IRAK3: variants seen among roughly 807,000 people sequenced by gnomAD.
IRAK3 encodes the protein interleukin 1 receptor associated kinase 3, also known as interleukin-1 receptor-associated kinase 3.
A neutral mutation model predicts 56.6 loss-of-function variants in IRAK3; 57 were observed. The ratio of observed to expected loss-of-function variants is 1.01; its 90% CI spans 0.81 to 1.26. IRAK3 has a LOEUF of 1.26. Ranked by LOEUF, IRAK3 falls within the 50% of genes most tolerant of loss-of-function variation. IRAK3 has a pLI of 0.00. For synonymous variants in IRAK3, 258 were observed against 255.7 expected, an observed-to-expected ratio of 1.01 and a Z score of -0.09; for missense variants, 703 against 719.0, an observed-to-expected ratio of 0.98 and a Z score of 0.25.
intron 6 of IRAK3, among the ~76,000 whole-genome samples, chr12:66,222,094 A>G (rs1408621489): frequency 6.6e-6 from 1 of 152,150 alleles, no homozygotes; most frequent in Non-Finnish European, 1.5e-5. Flanking sequence ...TTTGTTGAGG[A>G]TTTTTGTATC....
rs1212348905 is a variant in IRAK3 at position 66,247,806 on chromosome 12, A to G, written c.1426A>G (p.Ser476Gly). The G allele has an allele frequency of 6.2e-7, 1 of 1,613,948 alleles. No individual in the cohort carries two copies. Among genetic ancestry groups the G allele is most frequent in the African/African-American group, 1.3e-5 (1 of 74,946 alleles). Residue 476 changes from serine (S) to glycine (G), a missense_variant, in exon 12 of 12, where the codon AGT (serine) becomes GGT (glycine). Ser to Gly is a moderately conservative substitution (Grantham distance 56). Coordinates refer to ENST00000261233, the MANE Select transcript of IRAK3 (RefSeq NM_007199.3). ...TCCTCTATTCCTGGAGAATGTACCA[A>G]GTATTCCAGTGGAAGATGATGAAAG... ...PSPLFLENVP[S>G]IPVEDDESQN...
At chr12:66,215,493 G>A (rs1333822718) in intron 5 of IRAK3, among the ~76,000 whole-genome samples, 1 of 152,084 alleles carries the variant, frequency 6.6e-6, no homozygotes, top group Non-Finnish European at 1.5e-5. Context: ...CAAAGGACTG[G>A]GCAGCTTTTT....
At chr12:66,196,597 TCA>T (rs1279452299) in intron 1 of IRAK3, among the ~76,000 whole-genome samples, 1 of 152,080 alleles carries the variant, frequency 6.6e-6, no homozygotes, top group Non-Finnish European at 1.5e-5. Context: ...ACCTGAGAAG[TCA>T]CACACAGCCC....
Position 66,248,505 on chromosome 12 carries a change from C to G in IRAK3, c.*334C>G, listed in dbSNP as rs1397145310. 1 of 203,016 alleles carries G rather than the reference C, an allele frequency of 4.9e-6. No homozygotes were observed. The highest frequency in any genetic ancestry group is 1.0e-5 in the Non-Finnish European group (1 of 99,140). 12.6% of individuals were successfully genotyped at this position (203,016 alleles called of 1,614,324 possible). Reference sequence around the variant, plus strand: ...AAGGGACTGGATTGTAATGTCCTCTCCATCATCCTCAGTGTGAGTCCTCAG... The same window carrying G: ...AAGGGACTGGATTGTAATGTCCTCTGCATCATCCTCAGTGTGAGTCCTCAG... On this transcript the variant is annotated 3_prime_UTR_variant, in exon 12 of 12. Coordinates refer to ENST00000261233, the MANE Select transcript of IRAK3 (RefSeq NM_007199.3).
At chr12:66,232,066 G>C (rs2136942442) in intron 8 of IRAK3, among the ~76,000 whole-genome samples, 1 of 152,330 alleles carries the variant, frequency 6.6e-6, no homozygotes. Flanking sequence ...TGCCCAACAG[G>C]TAACAAAGAT....
intron 3 of IRAK3, 109 bp from the exon 4 acceptor site, chr12:66,210,038 G>A: frequency 1.4e-6 from 1 of 698,394 alleles, no homozygotes; most frequent in Non-Finnish European, 2.6e-6. Flanking sequence ...AAATTAGGTT[G>A]CACTCTGTTG....
At chr12:66,244,247 TAA>T (rs1379021961) in intron 8 of IRAK3, among the ~76,000 whole-genome samples, 3 of 152,256 alleles carry the variant, frequency 2.0e-5, no homozygotes, top group Admixed American at 2.0e-4. Flanking sequence ...TATGTATCTT[TAA>T]GTTTGAAATG....
chr12:66,193,670 CTG>C (rs1321936583), intron 1 of IRAK3, among the ~76,000 whole-genome samples: 7 of 150,184 alleles, frequency 4.7e-5, no homozygotes, highest in African/African-American at 1.7e-4. Flanking sequence ...ATTTTGTAGA[CTG>C]TTCCTCAACT....
chr12:66,221,238 A>T (rs1565805735), intron 6 of IRAK3, among the ~76,000 whole-genome samples: 1 of 152,102 alleles, frequency 6.6e-6, no homozygotes, highest in East Asian at 1.9e-4. Context: ...AACTTTTCTG[A>T]ATTTGTTTAT....
intron 8 of IRAK3, among the ~76,000 whole-genome samples, chr12:66,244,090 A>C (rs2053001288): frequency 6.6e-6 from 1 of 152,238 alleles, no homozygotes; most frequent in South Asian, 2.1e-4. Context: ...TTCACAGCAC[A>C]GCTCTTGCAC....
chr12:66,248,319 C>T lies in IRAK3; in HGVS notation c.*148C>T, dbSNP rs1198976451. The T allele has an allele frequency of 8.1e-6, 5 of 619,440 alleles. No individual in the cohort carries two copies. Among genetic ancestry groups the T allele is most frequent in the South Asian group, 7.1e-5 (3 of 42,300 alleles). 38.4% of individuals were successfully genotyped at this position (619,440 alleles called of 1,614,324 possible). On this transcript the variant is annotated 3_prime_UTR_variant, in exon 12 of 12. Transcript: ENST00000261233. ...ATGCAGATAAACAATCTGGATAATT[C>T]CATTTCTTTTTTCCCAAACCCTCAA...
Position 66,252,465 on chromosome 12 carries a change from T to C in IRAK3, c.*4294T>C, listed in dbSNP as rs1050598040. The C allele has an allele frequency of 2.6e-5, 4 of 152,240 alleles. No individual in the cohort carries two copies. The highest frequency in any genetic ancestry group is 4.8e-5 in the African/African-American group (2 of 41,456). The allele number at this position is 152,240 out of a possible 1,614,324, so 9.4% of individuals were successfully genotyped here. On this transcript the variant is annotated 3_prime_UTR_variant, in exon 12 of 12. Coordinates refer to ENST00000261233, the MANE Select transcript of IRAK3 (RefSeq NM_007199.3). Reference sequence around the variant, plus strand: ...GTACCATGTCTCCTGCCTTTATCACTATCCTACTCCTCTGCTACAACTTCT... The same window carrying C: ...GTACCATGTCTCCTGCCTTTATCACCATCCTACTCCTCTGCTACAACTTCT...
At chr12:66,198,610 AAGGGTAGC>A (rs2052477405) in intron 1 of IRAK3, among the ~76,000 whole-genome samples, 1 of 152,212 alleles carries the variant, frequency 6.6e-6, no homozygotes, top group African/African-American at 2.4e-5. Flanking sequence ...CAAAGTTTCA[AAGGGTAGC>A]AGGAACGATT....
At chr12:66,189,467 G>C in intron 1 of IRAK3, 35 bp downstream of exon 1, 1 of 1,161,216 alleles carries the variant, frequency 8.6e-7, no homozygotes, top group East Asian at 4.0e-5. Context: ...GGCGGCGGGG[G>C]AGCCCAGCGC....
intron 11 of IRAK3, among the ~76,000 whole-genome samples, chr12:66,247,053 T>G (rs2053040301): frequency 6.6e-6 from 1 of 152,164 alleles, no homozygotes; most frequent in South Asian, 2.1e-4. Flanking sequence ...GTGGATCAGC[T>G]GAGGTCAGGA....
chr12:66,226,578 G>A (rs2136938043), intron 6 of IRAK3, 145 bp from the exon 7 acceptor site: 1 of 675,504 alleles, frequency 1.5e-6, no homozygotes. Flanking sequence ...AAGCAAATCT[G>A]TGTCTGTACC....
chr12:66,245,885 G>T (rs1257752019), intron 11 of IRAK3, among the ~76,000 whole-genome samples: 2 of 151,814 alleles, frequency 1.3e-5, no homozygotes, highest in African/African-American at 2.4e-5. Context: ...TCTATCCATA[G>T]ACTTAATCAC....
intron 3 of IRAK3, 98 bp downstream of exon 3, chr12:66,209,618 C>A: frequency 1.2e-6 from 1 of 817,642 alleles, no homozygotes; most frequent in Non-Finnish European, 2.2e-6. Flanking sequence ...GCTGGATTTG[C>A]CGGCACTTTT....
intron 8 of IRAK3, among the ~76,000 whole-genome samples, chr12:66,239,037 G>A (rs1157428270): frequency 6.6e-6 from 1 of 152,154 alleles, no homozygotes. Context: ...CTAGCCCTTA[G>A]TGAGCTTAAT....
Sources: gnomAD v4.1 joint callset for allele counts (sites outside exome capture counted in the v4.1 genomes callset) on GRCh38, gnomAD v4.1.1 for gene constraint, MANE v1.5 for transcripts, NCBI Gene and HGNC (gene_info 2026-07-23, HGNC 2026-07-21) for gene names.